MACF1: variants seen among roughly 807,000 people sequenced by gnomAD.
MACF1 encodes the protein microtubule actin crosslinking factor 1, also known as microtubule-actin cross-linking factor 1.
In MACF1, 193 loss-of-function variants were observed where a neutral mutation model predicts 854.8. The ratio of observed to expected loss-of-function variants is 0.23; its 90% CI spans 0.20 to 0.25. MACF1 has a LOEUF of 0.25. MACF1 is among the 10% of genes least tolerant of loss of function. The probability of loss-of-function intolerance (pLI) is 1.00; values close to 1 mark genes in which losing one functional copy is unlikely to be tolerated. For synonymous variants in MACF1, 3,185 were observed against 3,226.7 expected (o/e 0.99, Z 0.44); for missense variants, 7,722 against 8,929.1 (o/e 0.86, Z 5.45).
rs533059264 is a variant in MACF1 at position 39,460,217 on chromosome 1, T to G, written c.21361-415T>G. On this transcript the variant is annotated intron_variant, in intron 91 of 100. Transcript: ENST00000564288. The surrounding 1 kb of genome is among the most constrained non-coding windows in gnomAD (Gnocchi z 4.1). ...AGTGGTAAACACGAGCCTCCTGATA[T>G]GAGCCCTATGTGTGATTATAATGCC... is the stretch of plus-strand genomic sequence containing the variant. 6.6e-6 allele frequency among the ~76,000 whole-genome samples: 1 copy of G among 152,344 alleles called. No individual in the cohort carries two copies. Among genetic ancestry groups the G allele is most frequent in the African/African-American group, 2.4e-5 (1 of 41,588 alleles).
chr1:39,459,657 A>G (rs1644512415), intron 91 of MACF1, among the ~76,000 whole-genome samples: 2 of 152,342 alleles, frequency 1.3e-5, no homozygotes, highest in South Asian at 4.1e-4. Flanking sequence ...ATGAAATAGG[A>G]GTAATTTTTA....
At chr1:39,238,626 G>A (rs1644886243) in intron 2 of MACF1, among the ~76,000 whole-genome samples, 1 of 152,214 alleles carries the variant, frequency 6.6e-6, no homozygotes, top group South Asian at 2.1e-4. Flanking sequence ...GATGCTGCCT[G>A]TTGGACCTCT....
intron 2 of MACF1, among the ~76,000 whole-genome samples, chr1:39,115,120 C>T (rs1642513092): frequency 6.6e-6 from 1 of 152,084 alleles, no homozygotes; most frequent in Non-Finnish European, 1.5e-5. Context: ...ATCCTAAAGG[C>T]TTTTGGGAGC....
chr1:39,149,464 G>A (rs1354680086), intron 2 of MACF1, among the ~76,000 whole-genome samples: 2 of 152,034 alleles, frequency 1.3e-5, no homozygotes, highest in African/African-American at 4.8e-5. Context: ...GGAGGCGGAG[G>A]TCGCTGTGAG....
chr1:39,448,176 G>A (rs747524119), intron 83 of MACF1, 24 bp downstream of exon 83: 6 of 1,601,626 alleles, frequency 3.7e-6, no homozygotes, highest in Middle Eastern at 1.7e-4. Flanking sequence ...TTGCTCTTAG[G>A]TCCCAAGCCA....
Position 39,372,354 on chromosome 1 carries a change from A to C in MACF1, c.13096-125A>C, listed in dbSNP as rs115613506. On this transcript the variant is annotated intron_variant, in intron 51 of 100. Transcript: ENST00000564288. ...TCAATAGATATTTGATAAATGAATA[A>C]ATAAATCAGAAGGATGGTCTCTTAA... 1,245 of 604,686 alleles carry C rather than the reference A, an allele frequency of 2.1e-3. 11 individuals are homozygous for C. The African/African-American group carries it at 0.021, about 10-fold the overall frequency. 37.5% of individuals were successfully genotyped at this position (604,686 alleles called of 1,614,324 possible). A position where few individuals can be genotyped will look rare whatever the true frequency, so the allele number is the denominator to read the frequency against.
chr1:39,333,535 T>C lies in MACF1; in HGVS notation c.6947T>C (p.Ile2316Thr). The change falls in exon 37 of 101, where the codon ATT becomes ACT. Residue 2316 changes from isoleucine to threonine, a missense_variant. Around this residue, in one of 15 missense-constraint regions of MACF1, gnomAD observed 1,531 missense variants for 1,601.6 expected, o/e 0.96. Coordinates refer to ENST00000564288, the MANE Select transcript of MACF1 (RefSeq NM_001394062.1). ...LLLNEAISRG[I>T]VPSHTAVKLM... is the part of the protein sequence containing the mutation. ...CTAAATGAAGCAATATCCCGAGGCA[T>C]TGTGCCAAGTCACACTGCCGTGAAG... The C allele has an allele frequency of 6.2e-7, 1 of 1,614,196 alleles. No homozygotes were observed.
At position 39,428,095 on chromosome 1, in the gene MACF1, A is replaced by G; in HGVS notation, c.16611A>G (p.Arg5537=). The G allele has an allele frequency of 1.2e-6, 2 of 1,614,206 alleles. No homozygotes were observed. Among genetic ancestry groups the G allele is most frequent in the Non-Finnish European group, 1.7e-6 (2 of 1,180,034 alleles). Residue 5537 remains arginine, a synonymous_variant, in exon 63 of 101, where the codon CGA becomes CGG. Coordinates refer to ENST00000564288, the MANE Select transcript of MACF1 (RefSeq NM_001394062.1). ...AAAAGATAGACTCATTGCAGGCCCG[A>G]TACAGTGAAATTCAAGACCGCTGTT... ...LSEKIDSLQA[R]YSEIQDRCCR... is the part of the protein sequence containing the mutation.
chr1:39,437,240 A>G (rs1324128981), intron 70 of MACF1, among the ~76,000 whole-genome samples: 1 of 128,380 alleles, frequency 7.8e-6, no homozygotes, highest in Non-Finnish European at 1.6e-5. Flanking sequence ...TAAAATAAAT[A>G]TTGGCTTTTT....
chr1:39,191,738 A>G (rs2148248954), intron 2 of MACF1, among the ~76,000 whole-genome samples: 1 of 152,204 alleles, frequency 6.6e-6, no homozygotes, highest in African/African-American at 2.4e-5. Context: ...GCTTAATCAT[A>G]CTCATTGGCT....
intron 26 of MACF1, among the ~76,000 whole-genome samples, chr1:39,314,722 G>A (rs1646378713): frequency 6.6e-6 from 1 of 151,998 alleles, no homozygotes. Flanking sequence ...CCTGCTTTAT[G>A]TTATCCACAG....
chr1:39,112,962 T>C (rs1299234052), intron 2 of MACF1, among the ~76,000 whole-genome samples: 1 of 151,664 alleles, frequency 6.6e-6, no homozygotes, highest in African/African-American at 2.4e-5. Flanking sequence ...CAACCTAGGC[T>C]ACAGAGCAAG....
intron 99 of MACF1, among the ~76,000 whole-genome samples, chr1:39,483,681 A>T (rs1044850326): frequency 6.6e-6 from 1 of 152,228 alleles, no homozygotes; most frequent in African/African-American, 2.4e-5. Context: ...CCTGGAACCC[A>T]GACTCAAACC....
intron 5 of MACF1, chr1:39,254,671 A>C: frequency 3.0e-6 from 1 of 336,902 alleles, no homozygotes; most frequent in Non-Finnish European, 5.4e-6. Context: ...ATGAAAAATA[A>C]ACTAGAAAAG....
At position 39,357,528 on chromosome 1, in the gene MACF1, A is replaced by C; in HGVS notation, c.11578A>C (p.Thr3860Pro). The change falls in exon 45 of 101, where the codon ACT becomes CCT. Residue 3860 changes from threonine (T) to proline (P), a missense_variant. By Grantham distance (38) the Thr-to-Pro change is conservative (BLOSUM62 -1). Around this residue, in one of 15 missense-constraint regions of MACF1, gnomAD observed 2,807 missense variants for 3,235.8 expected, o/e 0.87. Transcript: ENST00000564288. ...GGGAGAGCTAAAGGAACAATACTCT[A>C]CTTCCCTGGCCCAATCAGAGGCAGA... The part of the protein sequence containing the change: ...KLGELKEQYS[T>P]SLAQSEAELK... 6.2e-7 allele frequency: 1 copy of C among 1,614,160 alleles called. No individual in the cohort carries two copies. The highest frequency in any genetic ancestry group is 8.5e-7 in the Non-Finnish European group (1 of 1,180,034).
In MACF1 at chr1:39,477,077, A is replaced by ATACACACACATATATACACTTAGTG. The variant is rs1557675035; in HGVS notation, c.21959-2719_21959-2718insCACACACATATATACACTTAGTGTA. 5.9e-3 allele frequency among the ~76,000 whole-genome samples: 113 copies of ATACACACACATATATACACTTAGTG among 19,216 alleles called. 1 individual carries two copies. The highest frequency in any genetic ancestry group is 0.019 in the African/African-American group (102 of 5,434). 12.6% of individuals were successfully genotyped at this position (19,216 alleles called of 152,430 possible). On this transcript the variant is annotated intron_variant, in intron 97 of 100. Coordinates refer to ENST00000564288, the MANE Select transcript of MACF1 (RefSeq NM_001394062.1). ...TATATATATATATATATATATATAT[A>ATACACACACATATATACACTTAGTG]TATATATATATATACACACACACAC...
chr1:39,366,095 A>C (rs1648684529), intron 49 of MACF1, among the ~76,000 whole-genome samples: 1 of 151,996 alleles, frequency 6.6e-6, no homozygotes, highest in Non-Finnish European at 1.5e-5. Context: ...AGTCCTCCTC[A>C]ATTTTTTTCT....
intron 91 of MACF1, chr1:39,459,930 G>GAAA: frequency 1.0e-6 from 1 of 988,536 alleles, no homozygotes; most frequent in Non-Finnish European, 1.4e-6. Context: ...TTCTAACTTT[G>GAAA]GAGTTTGAAA....
intron 2 of MACF1, among the ~76,000 whole-genome samples, chr1:39,188,445 T>C (rs1211191927): frequency 6.6e-6 from 1 of 152,026 alleles, no homozygotes; most frequent in Non-Finnish European, 1.5e-5. Context: ...CCTAAAATGC[T>C]GATTGGTGGG....
Sources: gnomAD v4.1 joint callset for allele counts (sites outside exome capture counted in the v4.1 genomes callset) on GRCh38, gnomAD v4.1.1 for gene constraint, gnomAD v4.1.1 regional missense constraint, Gnocchi (gnomAD v3.1) non-coding constraint, MANE v1.5 for transcripts, NCBI Gene and HGNC (gene_info 2026-07-23, HGNC 2026-07-21) for gene names.